The following SUSD6 variants were observed in gnomAD, a reference collection of about 807,000 sequenced individuals.
The protein encoded by SUSD6 is sushi domain-containing protein 6.
Under a neutral mutation model 28.4 loss-of-function variants are expected in SUSD6, and 16 were observed. The observed-to-expected ratio is 0.56, with a 90% CI of 0.38 to 0.86. SUSD6 has a LOEUF of 0.86. SUSD6 is among the 40% of genes least tolerant of loss of function. The probability of loss-of-function intolerance (pLI) is 0.00; values close to 1 mark genes in which losing one functional copy is unlikely to be tolerated. For missense variants in SUSD6, 341 were observed against 384.2 expected (o/e 0.89, Z 0.94); for synonymous variants, 147 against 159.6 (o/e 0.92, Z 0.59).
At chr14:69,621,635 A>C (rs1319268055) in intron 1 of SUSD6, among the ~76,000 whole-genome samples, 1 of 152,234 alleles carries the variant, frequency 6.6e-6, no homozygotes, top group Non-Finnish European at 1.5e-5. Flanking sequence ...TTCATTCCTG[A>C]AAGTCAACTT....
intron 2 of SUSD6, among the ~76,000 whole-genome samples, chr14:69,664,621 G>T (rs571991122): frequency 1.3e-5 from 2 of 152,264 alleles, no homozygotes; most frequent in East Asian, 3.9e-4. Flanking sequence ...CACACTAATT[G>T]TTGTGCCATG....
chr14:69,658,688 C>T lies in SUSD6; in HGVS notation c.96C>T (p.Thr32=). ...GVFLPLVILC[T]LLGDGLASVC... ...TCCTTCCGCTAGTGATCCTTTGCAC[C>T]CTGCTTGGAGACGGACTTGCTTCCG... Residue 32 remains threonine (T), a synonymous_variant, in exon 2 of 6, where the codon ACC becomes ACT. Coordinates refer to ENST00000342745, the MANE Select transcript of SUSD6 (RefSeq NM_014734.4). 1 of 1,613,978 alleles carries T rather than the reference C, an allele frequency of 6.2e-7. No individual in the cohort carries two copies. Among genetic ancestry groups the T allele is most frequent in the Non-Finnish European group, 8.5e-7 (1 of 1,179,932 alleles).
intron 2 of SUSD6, among the ~76,000 whole-genome samples, chr14:69,679,205 T>C (rs1464212237): frequency 1.3e-5 from 2 of 152,226 alleles, no homozygotes; most frequent in Non-Finnish European, 2.9e-5. Flanking sequence ...GAGATCCTTT[T>C]AGGGGATTGA....
intron 1 of SUSD6, among the ~76,000 whole-genome samples, chr14:69,649,239 A>G (rs1885469908): frequency 6.6e-6 from 1 of 152,244 alleles, no homozygotes; most frequent in Non-Finnish European, 1.5e-5. Flanking sequence ...AGCCTTGCAT[A>G]GAAGACAGCC....
At chr14:69,687,098 C>T (rs984245355) in intron 2 of SUSD6, among the ~76,000 whole-genome samples, 2 of 152,184 alleles carry the variant, frequency 1.3e-5, no homozygotes, top group African/African-American at 4.8e-5. Flanking sequence ...CCTCAGCCTC[C>T]CGAGTAGCTG....
chr14:69,701,838 T>TA (rs538737291), intron 2 of SUSD6, among the ~76,000 whole-genome samples: 5 of 152,072 alleles, frequency 3.3e-5, no homozygotes, highest in Non-Finnish European at 7.4e-5. Context: ...TGGCATCACC[T>TA]AAAAAAAGAA....
At chr14:69,697,156 G>A (rs1036187833) in intron 2 of SUSD6, among the ~76,000 whole-genome samples, 7 of 152,158 alleles carry the variant, frequency 4.6e-5, no homozygotes, top group Admixed American at 6.5e-5. Context: ...CTATGGTGGG[G>A]GAGTGTCTTT....
intron 1 of SUSD6, among the ~76,000 whole-genome samples, chr14:69,636,233 A>C (rs954760011): frequency 2.6e-5 from 4 of 152,344 alleles, no homozygotes; most frequent in Admixed American, 2.6e-4. Context: ...ATAGAACCAC[A>C]ATAGAGCAAG....
Position 69,703,508 on chromosome 14 carries a change from A to C in SUSD6, c.235A>C (p.Met79Leu), listed in dbSNP as rs371590087. ...CGAATACCTGTGTGCTGAAGGCTAC[A>C]TGTTGAAGGGCGATTACAAATACCT... ...VIEYLCAEGY[M>L]LKGDYKYLTC... Residue 79 changes from methionine to leucine, a missense_variant, in exon 3 of 6, where the codon ATG (methionine) becomes CTG (leucine). Transcript: ENST00000342745. 2 of 1,614,228 alleles carry C rather than the reference A, an allele frequency of 1.2e-6. No individual in the cohort carries two copies. Among genetic ancestry groups the C allele is most frequent in the Middle Eastern group, 1.6e-4 (1 of 6,062 alleles).
At chr14:69,644,204 G>A (rs1311581980) in intron 1 of SUSD6, among the ~76,000 whole-genome samples, 2 of 152,158 alleles carry the variant, frequency 1.3e-5, no homozygotes, top group Non-Finnish European at 2.9e-5. Context: ...TAGTCACTGA[G>A]TTCCTTAAGA....
At chr14:69,692,054 A>G (rs1886161885) in intron 2 of SUSD6, among the ~76,000 whole-genome samples, 2 of 152,038 alleles carry the variant, frequency 1.3e-5, no homozygotes, top group East Asian at 1.9e-4. Flanking sequence ...AAAAAAAAAA[A>G]AAGAAGTCAT....
chr14:69,683,288 A>G (rs189667613), intron 2 of SUSD6, among the ~76,000 whole-genome samples: 14 of 152,346 alleles, frequency 9.2e-5, no homozygotes, highest in Admixed American at 9.1e-4. Flanking sequence ...CCTTCCAGAC[A>G]CAGACACCAT....
At chr14:69,665,421 T>A (rs1275982594) in intron 2 of SUSD6, among the ~76,000 whole-genome samples, 1 of 152,146 alleles carries the variant, frequency 6.6e-6, no homozygotes, top group Non-Finnish European at 1.5e-5. Context: ...GCTAGTTTTT[T>A]AAAAATATTT....
chr14:69,620,990 T>C (rs957106960), intron 1 of SUSD6, among the ~76,000 whole-genome samples: 1 of 152,160 alleles, frequency 6.6e-6, no homozygotes, highest in African/African-American at 2.4e-5. Context: ...TTTCCTGATA[T>C]ATTTGTGGCT....
chr14:69,712,807 C>T lies in SUSD6; in HGVS notation c.*1828C>T, dbSNP rs1342471479. ...TGCCTGCTGTGCCTGTTGGCCACTC[C>T]CACACTTCCCCTCCCCCAGGAGCCC... On this transcript the variant is annotated 3_prime_UTR_variant, in exon 6 of 6. Transcript: ENST00000342745. 1 of 152,604 alleles carries T rather than the reference C, an allele frequency of 6.6e-6. No individual in the cohort carries two copies. The highest frequency in any genetic ancestry group is 1.5e-5 in the Non-Finnish European group (1 of 68,378). 9.5% of individuals were successfully genotyped at this position (152,604 alleles called of 1,614,324 possible).
Position 69,714,542 on chromosome 14 carries a change from G to A in SUSD6, c.*3563G>A, listed in dbSNP as rs965696492. On this transcript the variant is annotated 3_prime_UTR_variant, in exon 6 of 6. Coordinates refer to ENST00000342745, the MANE Select transcript of SUSD6 (RefSeq NM_014734.4). ...TGGGAGCTTCTCTTGGGCCTGCTGGGTCTGTCAGCTCTCGGAATAGGGACA... is the reference window on the plus strand; with the variant it reads ...TGGGAGCTTCTCTTGGGCCTGCTGGATCTGTCAGCTCTCGGAATAGGGACA... 14 of 152,274 alleles carry A rather than the reference G, an allele frequency of 9.2e-5. No individual in the cohort carries two copies. The highest frequency in any genetic ancestry group is 8.5e-4 in the Admixed American group (13 of 15,282). 9.4% of individuals were successfully genotyped at this position (152,274 alleles called of 1,614,324 possible). A position where few individuals can be genotyped will look rare whatever the true frequency, so the allele number is the denominator to read the frequency against.
chr14:69,672,857 A>G (rs1192031171), intron 2 of SUSD6, among the ~76,000 whole-genome samples: 1 of 152,226 alleles, frequency 6.6e-6, no homozygotes, highest in Non-Finnish European at 1.5e-5. Context: ...TCCCTTCCGA[A>G]GGCTGGTCTC....
At chr14:69,676,672 G>A (rs531297520) in intron 2 of SUSD6, among the ~76,000 whole-genome samples, 1 of 152,292 alleles carries the variant, frequency 6.6e-6, no homozygotes, top group South Asian at 2.1e-4. Flanking sequence ...TGGGATTATA[G>A]GCATGAGCCA....
chr14:69,669,062 CTTTT>C (rs58962166), intron 2 of SUSD6, among the ~76,000 whole-genome samples: 2 of 78,006 alleles, frequency 2.6e-5, no homozygotes. Context: ...CTTTTCTTTT[CTTTT>C]TTTTTTTTTT....
Sources: gnomAD v4.1 joint callset for allele counts (sites outside exome capture counted in the v4.1 genomes callset) on GRCh38, gnomAD v4.1.1 for gene constraint, MANE v1.5 for transcripts, NCBI Gene and HGNC (gene_info 2026-07-23, HGNC 2026-07-21) for gene names.